Variants in DCUN1D1 observed in about 807,000 individuals in gnomAD.
DCUN1D1 encodes DCN1-like protein 1.
Under a neutral mutation model 39.0 loss-of-function variants are expected in DCUN1D1, and 3 were observed. The observed-to-expected ratio is 0.08, with a 90% CI of 0.04 to 0.20. The LOEUF (loss-of-function observed/expected upper bound fraction) is 0.20. Ranked by LOEUF, DCUN1D1 falls within the 10% of genes least tolerant of loss-of-function variation. The pLI, the probability that DCUN1D1 is intolerant of heterozygous loss-of-function variation, is 1.00. For synonymous variants in DCUN1D1, 82 were observed against 96.3 expected (o/e 0.85, Z 0.87); for missense variants, 158 against 302.4 (o/e 0.52, Z 3.54).
intron 3 of DCUN1D1, 58 bp downstream of exon 3, chr3:182,963,823 T>A: frequency 7.1e-7 from 1 of 1,398,912 alleles, no homozygotes; most frequent in South Asian, 1.5e-5. Context: ...AAAAAGTTCA[T>A]GACATAATTC....
intron 2 of DCUN1D1, among the ~76,000 whole-genome samples, chr3:182,964,693 T>G (rs1727578409): frequency 7.0e-6 from 1 of 143,362 alleles, no homozygotes; most frequent in South Asian, 2.2e-4. Context: ...CAGGCTGGAG[T>G]GCAGTGGCAT....
In DCUN1D1 at chr3:182,939,266, T is replaced by A. The variant is rs1295959265; in HGVS notation, c.*5828A>T. Reference sequence around the variant, plus strand: ...TCCGCATGCACTGTGGCAGGAATAGTTCTAGAAGTACAGCCACTTTGGAAA... The same window carrying A: ...TCCGCATGCACTGTGGCAGGAATAGATCTAGAAGTACAGCCACTTTGGAAA... On this transcript the variant is annotated 3_prime_UTR_variant, in exon 7 of 7. Transcript: ENST00000292782. The A allele has an allele frequency of 6.6e-6, 1 of 152,170 alleles. No individual in the cohort carries two copies. Among genetic ancestry groups the A allele is most frequent in the African/African-American group, 2.4e-5 (1 of 41,464 alleles). 9.4% of individuals were successfully genotyped at this position (152,170 alleles called of 1,614,324 possible).
At chr3:182,951,992 G>A (rs6786608) in intron 4 of DCUN1D1, among the ~76,000 whole-genome samples, 77,711 of 151,922 alleles carry the variant, frequency 0.51, 22,972 homozygotes, top group Non-Finnish European at 0.67. Flanking sequence ...CACCACGCAC[G>A]TCCAAAAGAA....
intron 1 of DCUN1D1, among the ~76,000 whole-genome samples, chr3:182,971,777 G>C (rs1727952867): frequency 6.6e-6 from 1 of 152,092 alleles, no homozygotes; most frequent in Non-Finnish European, 1.5e-5. Flanking sequence ...TCAAAAAGTA[G>C]CAGAGCCAGA....
At position 182,952,111 on chromosome 3, in the gene DCUN1D1, G is replaced by A. The variant is rs115683682; in HGVS notation, c.521-4479C>T. Among the ~76,000 whole-genome samples, 432 of 152,256 alleles carry A rather than the reference G, an allele frequency of 2.8e-3. 4 individuals carry two copies. The highest frequency in any genetic ancestry group is 1.0e-2 in the African/African-American group (414 of 41,540). ...ATCCACTCCAATGAAATTAAACTCT[G>A]AAGGGTCATCAGACCCTCTGGTTAC... On this transcript the variant is annotated intron_variant, in intron 4 of 6. Coordinates refer to ENST00000292782, the MANE Select transcript of DCUN1D1 (RefSeq NM_020640.4).
At position 182,965,600 on chromosome 3, in the gene DCUN1D1, G is replaced by A; in HGVS notation, c.157C>T (p.Arg53Ter). 6.2e-7 allele frequency: 1 copy of A among 1,613,520 alleles called. No homozygotes were observed. Among genetic ancestry groups the A allele is most frequent in the Non-Finnish European group, 8.5e-7 (1 of 1,179,718 alleles). ...TCCAATGATCCTTTTACACTCTCTCGTATATAAAGTTCAGGATTTTGGAAA... is the reference window on the plus strand; with the variant it reads ...TCCAATGATCCTTTTACACTCTCTCATATATAAAGTTCAGGATTTTGGAAA... The part of the protein sequence containing the change: ...NFFQNPELYI[R>*]ESVKGSLDRK... The change falls in exon 2 of 7, where the codon CGA becomes TGA. Residue 53 changes from arginine (R) to a stop codon, truncating the protein, a stop_gained. Coordinates refer to ENST00000292782, the MANE Select transcript of DCUN1D1 (RefSeq NM_020640.4). LOFTEE classifies it high-confidence loss of function.
At chr3:182,976,454 C>T (rs1481724778) in intron 1 of DCUN1D1, among the ~76,000 whole-genome samples, 13 of 133,442 alleles carry the variant, frequency 9.7e-5, no homozygotes, top group African/African-American at 3.2e-4. Context: ...TACACACACA[C>T]ACACACACAC....
At chr3:182,948,393 T>A (rs1726525572) in intron 4 of DCUN1D1, among the ~76,000 whole-genome samples, 1 of 152,114 alleles carries the variant, frequency 6.6e-6, no homozygotes, top group Non-Finnish European at 1.5e-5. Flanking sequence ...TAATGCCGCA[T>A]AAGAAAGAGC....
chr3:182,975,790 G>A (rs1728204068), intron 1 of DCUN1D1, among the ~76,000 whole-genome samples: 1 of 142,354 alleles, frequency 7.0e-6, no homozygotes, highest in Admixed American at 7.4e-5. Context: ...CCTAACCCCT[G>A]CTCTGCCACA....
In DCUN1D1 at chr3:182,942,285, A is replaced by G. The variant is rs1402668475; in HGVS notation, c.*2809T>C. 6.6e-6 allele frequency: 1 copy of G among 152,122 alleles called. No homozygotes were observed. The highest frequency in any genetic ancestry group is 1.9e-4 in the East Asian group (1 of 5,192). 9.4% of individuals were successfully genotyped at this position (152,122 alleles called of 1,614,324 possible). On this transcript the variant is annotated 3_prime_UTR_variant, in exon 7 of 7. Transcript: ENST00000292782. ...TGCCATTACAATGCTCTTTCCATGAATAATTATTCTTCCTAGAAAAGTTTT... is the reference window on the plus strand; with the variant it reads ...TGCCATTACAATGCTCTTTCCATGAGTAATTATTCTTCCTAGAAAAGTTTT...
At chr3:182,966,016 G>C (rs1234568875) in intron 1 of DCUN1D1, among the ~76,000 whole-genome samples, 1 of 152,032 alleles carries the variant, frequency 6.6e-6, no homozygotes, top group Non-Finnish European at 1.5e-5. Context: ...TCCTACAGTG[G>C]GTCCTGAGAG....
chr3:182,964,705 A>C (rs1341143110), intron 2 of DCUN1D1, among the ~76,000 whole-genome samples: 1 of 130,392 alleles, frequency 7.7e-6, no homozygotes, highest in Non-Finnish European at 1.5e-5. Context: ...CAGTGGCATG[A>C]TCTTAGCTCA....
At chr3:182,972,040 T>G (rs1560179549) in intron 1 of DCUN1D1, among the ~76,000 whole-genome samples, 1 of 150,548 alleles carries the variant, frequency 6.6e-6, no homozygotes, top group Non-Finnish European at 1.5e-5. Context: ...GGATGGAGCT[T>G]CTATTTAGGG....
At chr3:182,953,142 T>C (rs1405749974) in intron 4 of DCUN1D1, among the ~76,000 whole-genome samples, 1 of 152,218 alleles carries the variant, frequency 6.6e-6, no homozygotes, top group Non-Finnish European at 1.5e-5. Context: ...TGTGCATTCA[T>C]TCTTCAAGGC....
chr3:182,955,387 G>A, intron 4 of DCUN1D1: 2 of 543,698 alleles, frequency 3.7e-6, no homozygotes, highest in Non-Finnish European at 7.5e-6. Flanking sequence ...TTATTGAACA[G>A]AATAGCAATG....
chr3:182,946,723 CT>C (rs1390429365), intron 6 of DCUN1D1, among the ~76,000 whole-genome samples: 2 of 152,082 alleles, frequency 1.3e-5, no homozygotes, highest in Admixed American at 6.6e-5. Flanking sequence ...TTACTTATGC[CT>C]TTCTGGAAGA....
upstream of DCUN1D1, among the ~76,000 whole-genome samples, chr3:182,981,534 T>G (rs756332228): frequency 2.6e-5 from 4 of 152,034 alleles, no homozygotes; most frequent in Non-Finnish European, 5.9e-5. Context: ...GTTGGAGAGA[T>G]AAGACACCTT....
In DCUN1D1 at chr3:182,951,730, CTT is replaced by C. The variant is rs549468404; in HGVS notation, c.521-4100_521-4099del. ...TTTTTTTTTGAGACGGAGTTTCACTCTTGTTGCCCAGGCTGGAGTGCAGTGGT... is the reference window on the plus strand; with the variant it reads ...TTTTTTTTTGAGACGGAGTTTCACTCGTTGCCCAGGCTGGAGTGCAGTGGT... On this transcript the variant is annotated intron_variant, in intron 4 of 6. Transcript: ENST00000292782. Among the ~76,000 whole-genome samples, 139 of 131,826 alleles carry C rather than the reference CTT, an allele frequency of 1.1e-3. 3 individuals carry two copies. In the South Asian group the frequency reaches 0.018, roughly 17 times the overall value. The allele number at this position is 131,826 out of a possible 152,430, so 86.5% of individuals were successfully genotyped here.
chr3:182,975,423 G>A (rs931289454), intron 1 of DCUN1D1, among the ~76,000 whole-genome samples: 13 of 151,758 alleles, frequency 8.6e-5, no homozygotes, highest in South Asian at 8.3e-4. Context: ...TGATCCGCCC[G>A]CCTCAGCCCC....
Sources: gnomAD v4.1 joint callset for allele counts (sites outside exome capture counted in the v4.1 genomes callset) on GRCh38, gnomAD v4.1.1 for gene constraint, MANE v1.5 for transcripts, NCBI Gene and HGNC (gene_info 2026-07-23, HGNC 2026-07-21) for gene names.